PCDHGA7: variants seen among roughly 807,000 people sequenced by gnomAD.
PCDHGA7 encodes the protein protocadherin gamma-A7.
A neutral mutation model predicts 58.3 loss-of-function variants in PCDHGA7; 44 were observed. That is an observed-to-expected ratio of 0.75 (90% CI 0.59 to 0.97). The LOEUF (loss-of-function observed/expected upper bound fraction) is 0.97, where lower values mean the gene tolerates loss of function less well. PCDHGA7 is among the 50% of genes least tolerant of loss of function. The pLI is 0.00. For missense variants in PCDHGA7, 1,266 were observed against 1,188.7 expected, an observed-to-expected ratio of 1.06 and a Z score of -0.96; for synonymous variants, 516 against 504.2, an observed-to-expected ratio of 1.02 and a Z score of -0.31.
intron 1 of PCDHGA7, chr5:141,408,653 C>T (rs1589679123): frequency 6.2e-7 from 1 of 1,613,982 alleles, no homozygotes; most frequent in African/African-American, 1.3e-5. Context: ...CGCTGGTACA[C>T]GACTATCGCT....
Position 141,485,092 on chromosome 5 carries a change from G to C in PCDHGA7, c.2425-9715G>C, listed in dbSNP as rs2099606725. 3.8e-6 allele frequency: 4 copies of C among 1,065,492 alleles called. No homozygotes were observed. Among genetic ancestry groups the C allele is most frequent in the Non-Finnish European group, 5.6e-6 (4 of 708,358 alleles). The allele number at this position is 1,065,492 out of a possible 1,614,324, so 66.0% of individuals were successfully genotyped here. A position where few individuals can be genotyped will look rare whatever the true frequency, so the allele number is the denominator to read the frequency against. Reference sequence around the variant, plus strand: ...CTGGCGCGGGGAAAGGGAGATAGGTGTCTCCAGCTGCTGTGGCTGTTTGGG... The same window carrying C: ...CTGGCGCGGGGAAAGGGAGATAGGTCTCTCCAGCTGCTGTGGCTGTTTGGG... On this transcript the variant is annotated intron_variant, in intron 1 of 3. Coordinates refer to ENST00000518325, the MANE Select transcript of PCDHGA7 (RefSeq NM_018920.4). This position sits in a 1 kb window ranked among gnomAD's most constrained non-coding sequence, Gnocchi z 5.7.
At position 141,432,273 on chromosome 5, in the gene PCDHGA7, T is replaced by G. The variant is rs199937628; in HGVS notation, c.2424+46950T>G. 6.8e-6 allele frequency: 11 copies of G among 1,614,238 alleles called. No individual in the cohort carries two copies. In the Admixed American group the frequency reaches 1.7e-4, roughly 24 times the overall value. ...CAAGGGGCAAGCCTATCGTCCTACG[T>G]GTCCATCAACTCCGACACTGGGGTA... On this transcript the variant is annotated intron_variant, in intron 1 of 3. Coordinates refer to ENST00000518325, the MANE Select transcript of PCDHGA7 (RefSeq NM_018920.4). This position sits in a 1 kb window ranked among gnomAD's most constrained non-coding sequence, Gnocchi z 6.0.
chr5:141,393,001 G>A (rs775192271), intron 1 of PCDHGA7: 1 of 1,613,908 alleles, frequency 6.2e-7, no homozygotes, highest in South Asian at 1.1e-5. Flanking sequence ...GCGAAGCACG[G>A]AGTCCGTATC....
At chr5:141,409,227 A>G (rs2095244126) in intron 1 of PCDHGA7, 1 of 1,613,922 alleles carries the variant, frequency 6.2e-7, no homozygotes, top group African/African-American at 1.3e-5. Flanking sequence ...GATGAAAACG[A>G]CAACAGCCCA....
At chr5:141,446,860 G>A (rs969206755) in intron 1 of PCDHGA7, among the ~76,000 whole-genome samples, 17 of 152,162 alleles carry the variant, frequency 1.1e-4, no homozygotes, top group African/African-American at 3.9e-4. Flanking sequence ...CTTCCTGATA[G>A]CTCTACACTG....
chr5:141,489,723 T>C lies in PCDHGA7; in HGVS notation c.2425-5084T>C, dbSNP rs900332220. ...CACTGGACAGTGCCCAGGATCCGGA[T>C]GTGGGCACCAATACTGTGAGCTTTT... On this transcript the variant is annotated intron_variant, in intron 1 of 3. Coordinates refer to ENST00000518325, the MANE Select transcript of PCDHGA7 (RefSeq NM_018920.4). This position sits in a 1 kb window ranked among gnomAD's most constrained non-coding sequence, Gnocchi z 4.5. 4.3e-6 allele frequency: 7 copies of C among 1,613,958 alleles called. No homozygotes were observed. The highest frequency in any genetic ancestry group is 5.9e-6 in the Non-Finnish European group (7 of 1,179,940).
At chr5:141,499,019 AGGAAGGAAGAAAAG>A (rs2099788655) in intron 2 of PCDHGA7, among the ~76,000 whole-genome samples, 1 of 150,840 alleles carries the variant, frequency 6.6e-6, no homozygotes, top group Non-Finnish European at 1.5e-5. Flanking sequence ...GAAGGAAGGA[AGGAAGGAAGAAAAG>A]AAAGAAAAAG....
At chr5:141,461,740 G>A (rs770518286) in intron 1 of PCDHGA7, among the ~76,000 whole-genome samples, 4 of 152,072 alleles carry the variant, frequency 2.6e-5, no homozygotes, top group Non-Finnish European at 2.9e-5. Context: ...GCACAATCCC[G>A]GCTCCCAGAT....
chr5:141,496,081 C>A (rs976166091), intron 2 of PCDHGA7, among the ~76,000 whole-genome samples: 1 of 152,060 alleles, frequency 6.6e-6, no homozygotes, highest in Non-Finnish European at 1.5e-5. Flanking sequence ...CACAACCCCC[C>A]ACCCACCACC....
chr5:141,422,467 G>A (rs1380910490), intron 1 of PCDHGA7: 1 of 1,613,664 alleles, frequency 6.2e-7, no homozygotes, highest in Non-Finnish European at 8.5e-7. Context: ...GCTGGACAGG[G>A]AGTTGGTCCA....
Position 141,511,350 on chromosome 5 carries a change from C to T in PCDHGA7, c.*177C>T, listed in dbSNP as rs1303365585. Reference sequence around the variant, plus strand: ...CCCAGTCAGCACCTACCCCTTCCCCCCCAGGGGGTTGAATATGCAAAAGCA... The same window carrying T: ...CCCAGTCAGCACCTACCCCTTCCCCTCCAGGGGGTTGAATATGCAAAAGCA... On this transcript the variant is annotated 3_prime_UTR_variant, in exon 4 of 4. Transcript: ENST00000518325. The T allele has an allele frequency of 6.4e-6, 9 of 1,397,076 alleles. No homozygotes were observed. Among genetic ancestry groups the T allele is most frequent in the Non-Finnish European group, 8.6e-6 (9 of 1,050,666 alleles). 86.5% of individuals were successfully genotyped at this position (1,397,076 alleles called of 1,614,324 possible).
chr5:141,484,924 T>C (rs1453592037), intron 1 of PCDHGA7: 7 of 484,872 alleles, frequency 1.4e-5, no homozygotes, highest in Non-Finnish European at 2.2e-5. Context: ...ACCCTGCTGC[T>C]GTTGGGACGT....
In PCDHGA7 at chr5:141,490,951, T is replaced by C. The variant is rs778168052; in HGVS notation, c.2425-3856T>C. 20 of 1,613,640 alleles carry C rather than the reference T, an allele frequency of 1.2e-5. No homozygotes were observed. Among genetic ancestry groups the C allele is most frequent in the Middle Eastern group, 1.6e-4 (1 of 6,084 alleles). On this transcript the variant is annotated intron_variant, in intron 1 of 3. Coordinates refer to ENST00000518325, the MANE Select transcript of PCDHGA7 (RefSeq NM_018920.4). This position sits in a 1 kb window ranked among gnomAD's most constrained non-coding sequence, Gnocchi z 5.4. The stretch of plus-strand genomic sequence containing the variant: ...AGCTGTGCTGCACCCACGGCCAGAC[T>C]GGGAACACTCAGCCCCCCAGCGTCT...
At chr5:141,496,734 G>A (rs527288196) in intron 2 of PCDHGA7, among the ~76,000 whole-genome samples, 4 of 152,066 alleles carry the variant, frequency 2.6e-5, no homozygotes, top group Non-Finnish European at 4.4e-5. Flanking sequence ...GTATTCATTC[G>A]TTCATTTATT....
intron 1 of PCDHGA7, chr5:141,427,254 G>A (rs1013561568): frequency 1.8e-5 from 8 of 456,644 alleles, no homozygotes; most frequent in Non-Finnish European, 2.6e-5. Flanking sequence ...GGATGGTGGA[G>A]GCATGACCAG....
rs776737236 is a variant in PCDHGA7, at chr5:141,431,439, G to T, written c.2424+46116G>T. 20 of 1,613,724 alleles carry T rather than the reference G, an allele frequency of 1.2e-5. No individual in the cohort carries two copies. The highest frequency in any genetic ancestry group is 4.5e-5 in the East Asian group (2 of 44,888). Reference sequence around the variant, plus strand: ...GACCCGGTGCGCACAGGCACCGCGCGCATCCGCGTGATGGTTCTGGATGCG... The same window carrying T: ...GACCCGGTGCGCACAGGCACCGCGCTCATCCGCGTGATGGTTCTGGATGCG... On this transcript the variant is annotated intron_variant, in intron 1 of 3. Coordinates refer to ENST00000518325, the MANE Select transcript of PCDHGA7 (RefSeq NM_018920.4). This position sits in a 1 kb window ranked among gnomAD's most constrained non-coding sequence, Gnocchi z 4.8.
chr5:141,446,988 C>T (rs548721486), intron 1 of PCDHGA7, among the ~76,000 whole-genome samples: 1 of 152,154 alleles, frequency 6.6e-6, no homozygotes, highest in Non-Finnish European at 1.5e-5. Flanking sequence ...TCATACTCCA[C>T]TCTTCAGACT....
chr5:141,486,734 C>G lies in PCDHGA7; in HGVS notation c.2425-8073C>G, dbSNP rs2099634292. On this transcript the variant is annotated intron_variant, in intron 1 of 3. Transcript: ENST00000518325. This position sits in a 1 kb window ranked among gnomAD's most constrained non-coding sequence, Gnocchi z 5.0. ...CCAGACAGGAGCTGTTCATGCTACT[C>G]GATCCTTTGACTATGAGCAAACCCA... 6.2e-7 allele frequency: 1 copy of G among 1,614,070 alleles called. No individual in the cohort carries two copies. The highest frequency in any genetic ancestry group is 1.7e-5 in the Admixed American group (1 of 60,000).
chr5:141,394,987 T>G (rs2093144127), intron 1 of PCDHGA7: 1 of 1,613,874 alleles, frequency 6.2e-7, no homozygotes, highest in South Asian at 1.1e-5. Context: ...TCACGCCTGC[T>G]CCAGGATTCC....
Sources: gnomAD v4.1 joint callset for allele counts (sites outside exome capture counted in the v4.1 genomes callset) on GRCh38, gnomAD v4.1.1 for gene constraint, Gnocchi (gnomAD v3.1) non-coding constraint, MANE v1.5 for transcripts, NCBI Gene and HGNC (gene_info 2026-07-23, HGNC 2026-07-21) for gene names.